Variants in PTPRT observed in about 807,000 individuals in gnomAD.
PTPRT encodes the protein receptor-type tyrosine-protein phosphatase T.
A neutral mutation model predicts 176.8 loss-of-function variants in PTPRT; 56 were observed. The ratio of observed to expected loss-of-function variants is 0.32; its 90% CI spans 0.26 to 0.40. PTPRT has a LOEUF of 0.40. Among genes scored for constraint, PTPRT ranks in the 10% least tolerant of loss-of-function variants. The pLI is 1.00. For missense variants in PTPRT, 1,540 were observed against 1,908.2 expected (o/e 0.81, Z 3.60); for synonymous variants, 783 against 739.0 (o/e 1.06, Z -0.96).
intron 7 of PTPRT, among the ~76,000 whole-genome samples, chr20:42,550,832 T>C (rs1490899837): frequency 6.6e-6 from 1 of 152,160 alleles, no homozygotes; most frequent in African/African-American, 2.4e-5. Flanking sequence ...TATCATACAC[T>C]TGGTTTTGAA....
At chr20:42,302,712 C>G (rs1240827584) in intron 12 of PTPRT, among the ~76,000 whole-genome samples, 1 of 152,192 alleles carries the variant, frequency 6.6e-6, no homozygotes, top group Admixed American at 6.5e-5. Context: ...TCCCAACTGA[C>G]TCACAACAAG....
At chr20:42,397,023 CT>C (rs574607458) in intron 9 of PTPRT, among the ~76,000 whole-genome samples, 1 of 152,114 alleles carries the variant, frequency 6.6e-6, no homozygotes, top group South Asian at 2.1e-4. Flanking sequence ...CATTATCCTG[CT>C]TTTTTTTACC....
intron 1 of PTPRT, among the ~76,000 whole-genome samples, chr20:42,987,594 T>C (rs528109718): frequency 1.3e-5 from 2 of 152,008 alleles, no homozygotes; most frequent in Non-Finnish European, 2.9e-5. Flanking sequence ...TCCTCAAACA[T>C]ACCAAATGTC....
Position 42,472,453 on chromosome 20 carries a change from G to A in PTPRT, c.1263C>T (p.Asn421=), listed in dbSNP as rs1257582811. ...ACACATACTGGTACTGCACGGTGAGGTTGTAGCTATGGCAGCGGGTCACCG... is the reference window on the plus strand; with the variant it reads ...ACACATACTGGTACTGCACGGTGAGATTGTAGCTATGGCAGCGGGTCACCG... The part of the protein sequence containing the change: ...GYAVTRCHSY[N]LTVQYQYVFN... Residue 421 remains asparagine, a synonymous_variant, in exon 8 of 31, where the codon AAC becomes AAT. Transcript: ENST00000373187. 1.2e-6 allele frequency: 2 copies of A among 1,614,134 alleles called. No individual in the cohort carries two copies. Among genetic ancestry groups the A allele is most frequent in the Non-Finnish European group, 1.7e-6 (2 of 1,180,048 alleles).
intron 7 of PTPRT, among the ~76,000 whole-genome samples, chr20:42,590,964 G>T (rs540705849): frequency 3.5e-4 from 52 of 150,438 alleles, no homozygotes; most frequent in Middle Eastern, 3.4e-3. Context: ...GTGTGTGTGT[G>T]TGTGTGTGTG....
chr20:42,702,387 G>C (rs1449338294), intron 6 of PTPRT, among the ~76,000 whole-genome samples: 1 of 152,178 alleles, frequency 6.6e-6, no homozygotes, highest in African/African-American at 2.4e-5. Flanking sequence ...GAGAGCCCAA[G>C]GTTGCAAGGA....
intron 6 of PTPRT, among the ~76,000 whole-genome samples, chr20:42,709,137 G>C (rs555274239): frequency 6.6e-6 from 1 of 152,198 alleles, no homozygotes; most frequent in Non-Finnish European, 1.5e-5. Context: ...AAGGTCCTTC[G>C]GGACAGAAAG....
intron 2 of PTPRT, among the ~76,000 whole-genome samples, chr20:42,880,113 CG>C (rs956765055): frequency 2.6e-5 from 4 of 151,744 alleles, no homozygotes; most frequent in African/African-American, 7.3e-5. Context: ...GGGGCAGGCC[CG>C]GGGGGGTTTG....
In PTPRT at chr20:42,944,229, C is replaced by G. The variant is rs186706983; in HGVS notation, c.89-58297G>C. Among the ~76,000 whole-genome samples the G allele has an allele frequency of 1.8e-3, 267 of 152,020 alleles. 3 individuals are homozygous for G. In the East Asian group the frequency reaches 0.039, roughly 22 times the overall value. ...ACATCACAGTTTAGGATTTTAGAGC[C>G]GGGGGGCGGAAAGTGCTTCTGCTGG... On this transcript the variant is annotated intron_variant, in intron 1 of 30. Coordinates refer to ENST00000373187, the MANE Select transcript of PTPRT (RefSeq NM_007050.6).
chr20:42,127,815 C>T (rs767824588), intron 19 of PTPRT, among the ~76,000 whole-genome samples: 6 of 152,184 alleles, frequency 3.9e-5, no homozygotes, highest in Non-Finnish European at 5.9e-5. Flanking sequence ...CTTCCTCAGT[C>T]GTCTCTGGAA....
At chr20:42,836,447 TAG>T (rs2078182662) in intron 2 of PTPRT, among the ~76,000 whole-genome samples, 1 of 152,158 alleles carries the variant, frequency 6.6e-6, no homozygotes, top group Non-Finnish European at 1.5e-5. Flanking sequence ...CCTCCCAGAT[TAG>T]AAGCTGATCC....
chr20:42,391,470 G>T (rs2058798822), intron 9 of PTPRT, among the ~76,000 whole-genome samples: 1 of 152,154 alleles, frequency 6.6e-6, no homozygotes, highest in South Asian at 2.1e-4. Context: ...GCCAAACTTA[G>T]TGTGTGGGGC....
chr20:42,317,446 A>C lies in PTPRT; in HGVS notation c.1866-1450T>G, dbSNP rs577539998. ...TTTATTGCACAGATCTCTGGGACTC[A>C]TGATCTAAAACAGAAGATCGATTGC... On this transcript the variant is annotated intron_variant, in intron 11 of 30. Transcript: ENST00000373187. Among the ~76,000 whole-genome samples, 264 of 152,278 alleles carry C rather than the reference A, an allele frequency of 1.7e-3. 1 individual carries two copies. The highest frequency in any genetic ancestry group is 3.5e-3 in the Non-Finnish European group (238 of 68,014).
chr20:42,640,547 C>T (rs2074719778), intron 7 of PTPRT, among the ~76,000 whole-genome samples: 2 of 151,946 alleles, frequency 1.3e-5, no homozygotes, highest in Admixed American at 6.6e-5. Context: ...CATTACCATG[C>T]CCAGCTAATT....
intron 2 of PTPRT, among the ~76,000 whole-genome samples, chr20:42,831,438 T>G (rs552683824): frequency 1.3e-5 from 2 of 152,192 alleles, no homozygotes; most frequent in Admixed American, 1.3e-4. Flanking sequence ...GAAGACAACC[T>G]AGGCATAGGG....
At chr20:42,822,613 C>A (rs149961759) in intron 2 of PTPRT, among the ~76,000 whole-genome samples, 2 of 152,104 alleles carry the variant, frequency 1.3e-5, no homozygotes, top group Admixed American at 6.5e-5. Context: ...AGTGAACAGG[C>A]AACCTACAGA....
chr20:42,238,583 C>A (rs16986705), intron 14 of PTPRT, among the ~76,000 whole-genome samples: 2,154 of 152,266 alleles, frequency 0.014, 44 homozygotes, highest in African/African-American at 0.05. Flanking sequence ...ACTCAGGGTC[C>A]ATTTGATGAA....
intron 6 of PTPRT, among the ~76,000 whole-genome samples, chr20:42,748,933 TTC>T (rs1208682686): frequency 6.6e-6 from 1 of 152,132 alleles, no homozygotes; most frequent in Non-Finnish European, 1.5e-5. Flanking sequence ...CTGCCCTTGA[TTC>T]TCTGTCTCAT....
intron 1 of PTPRT, among the ~76,000 whole-genome samples, chr20:42,920,229 T>C (rs908997723): frequency 1.3e-5 from 2 of 152,192 alleles, no homozygotes; most frequent in Non-Finnish European, 2.9e-5. Context: ...CAGCATGAAC[T>C]ATTAATATAC....
Sources: allele counts gnomAD v4.1 joint callset (sites outside exome capture counted in the v4.1 genomes callset), GRCh38; gene constraint gnomAD v4.1.1; transcripts MANE v1.5; gene names NCBI Gene and HGNC (gene_info 2026-07-23, HGNC 2026-07-21).